The following PPP3CA variants were observed in gnomAD, a reference collection of about 807,000 sequenced individuals.
PPP3CA encodes CAM-PRP catalytic subunit.
In PPP3CA, 14 loss-of-function variants were observed where a neutral mutation model predicts 66.5. The observed-to-expected ratio is 0.21, with a 90% CI of 0.14 to 0.33. PPP3CA has a LOEUF of 0.33. Ranked by LOEUF, PPP3CA falls within the 10% of genes least tolerant of loss-of-function variation. The pLI is 1.00. For missense variants in PPP3CA, 317 were observed against 639.5 expected, an observed-to-expected ratio of 0.50 and a Z score of 5.44; for synonymous variants, 232 against 226.2, an observed-to-expected ratio of 1.03 and a Z score of -0.23.
chr4:101,193,215 A>T (rs1724667164), intron 2 of PPP3CA, among the ~76,000 whole-genome samples: 1 of 152,222 alleles, frequency 6.6e-6, no homozygotes, highest in Non-Finnish European at 1.5e-5. Context: ...GATATATACC[A>T]CCTGTACCAG....
intron 8 of PPP3CA, among the ~76,000 whole-genome samples, chr4:101,079,513 G>T (rs1160114834): frequency 6.6e-6 from 1 of 151,830 alleles, no homozygotes; most frequent in African/African-American, 2.4e-5. Context: ...CGAGTAGCTG[G>T]GACTACAGGC....
chr4:101,054,321 T>C (rs886117302), intron 10 of PPP3CA, among the ~76,000 whole-genome samples: 5 of 152,098 alleles, frequency 3.3e-5, no homozygotes, highest in African/African-American at 9.6e-5. Context: ...GATGGGACTT[T>C]CTAAGGTTAA....
intron 1 of PPP3CA, among the ~76,000 whole-genome samples, chr4:101,306,218 A>G (rs1179775636): frequency 6.6e-6 from 1 of 152,118 alleles, no homozygotes; most frequent in African/African-American, 2.4e-5. Flanking sequence ...CTAAGCGCAT[A>G]TGGGGGCAGC....
chr4:101,165,108 C>G (rs1272536001), intron 2 of PPP3CA, among the ~76,000 whole-genome samples: 1 of 151,986 alleles, frequency 6.6e-6, no homozygotes, highest in Non-Finnish European at 1.5e-5. Flanking sequence ...TGCGATTAAA[C>G]AAAACGGCAG....
chr4:101,231,664 T>A (rs962399365), intron 1 of PPP3CA, among the ~76,000 whole-genome samples: 2 of 151,718 alleles, frequency 1.3e-5, no homozygotes, highest in Admixed American at 6.6e-5. Context: ...TTATAACACA[T>A]ATCTTGCTGC....
chr4:101,155,070 CT>C (rs917733218), intron 2 of PPP3CA, among the ~76,000 whole-genome samples: 2 of 152,120 alleles, frequency 1.3e-5, no homozygotes, highest in African/African-American at 4.8e-5. Flanking sequence ...CCGCCTCGGC[CT>C]CCCAAAGTGC....
At position 101,347,330 on chromosome 4, in the gene PPP3CA, C is replaced by CGCTGCT. The variant is rs1338557875; in HGVS notation, c.-540_-535dup. On this transcript the variant is annotated 5_prime_UTR_variant, in exon 1 of 14. Transcript: ENST00000394854. ...GCGGAGAGGCGGCCGCCGCTGCTGCCGCTGCTGCTGCCGCTGCCGCTGTTG... is the reference window on the plus strand; with the variant it reads ...GCGGAGAGGCGGCCGCCGCTGCTGCCGCTGCTGCTGCTGCTGCCGCTGCCGCTGTTG... 2 of 203,984 alleles carry CGCTGCT rather than the reference C, an allele frequency of 9.8e-6. No individual in the cohort carries two copies. Among genetic ancestry groups the CGCTGCT allele is most frequent in the Non-Finnish European group, 1.9e-5 (2 of 103,270 alleles). The allele number at this position is 203,984 out of a possible 1,614,324, so 12.6% of individuals were successfully genotyped here. A position where few individuals can be genotyped will look rare whatever the true frequency, so the allele number is the denominator to read the frequency against.
At chr4:101,029,468 AAAC>A (rs1394987026) in intron 12 of PPP3CA, among the ~76,000 whole-genome samples, 1 of 152,112 alleles carries the variant, frequency 6.6e-6, no homozygotes, top group Non-Finnish European at 1.5e-5. Context: ...AATAAATAAC[AAAC>A]AACCCTTTAG....
chr4:101,124,827 C>T (rs1362930984), intron 2 of PPP3CA, among the ~76,000 whole-genome samples: 3 of 151,328 alleles, frequency 2.0e-5, no homozygotes, highest in Admixed American at 6.6e-5. Flanking sequence ...TTGAGGAGCA[C>T]ATTTTACTAC....
chr4:101,216,182 G>A (rs959986261), intron 1 of PPP3CA, among the ~76,000 whole-genome samples: 2 of 152,016 alleles, frequency 1.3e-5, no homozygotes, highest in African/African-American at 2.4e-5. Context: ...AATAAATTAC[G>A]CAGCATTATA....
intron 8 of PPP3CA, among the ~76,000 whole-genome samples, chr4:101,072,996 T>C (rs1728987304): frequency 6.6e-6 from 1 of 150,920 alleles, no homozygotes; most frequent in Admixed American, 6.6e-5. Flanking sequence ...GTGACAATGA[T>C]AATGACAATG....
chr4:101,206,970 T>C (rs1274238281), intron 1 of PPP3CA, among the ~76,000 whole-genome samples: 2 of 152,072 alleles, frequency 1.3e-5, no homozygotes, highest in African/African-American at 4.8e-5. Flanking sequence ...TGGGGGAAGC[T>C]GGCGGCCCAT....
intron 1 of PPP3CA, among the ~76,000 whole-genome samples, chr4:101,250,691 C>A (rs1560680952): frequency 6.6e-6 from 1 of 152,128 alleles, no homozygotes; most frequent in Non-Finnish European, 1.5e-5. Flanking sequence ...TAATTAGCTA[C>A]TTAGAAGTGA....
chr4:101,280,301 G>T (rs1727638779), intron 1 of PPP3CA, among the ~76,000 whole-genome samples: 1 of 152,174 alleles, frequency 6.6e-6, no homozygotes, highest in Non-Finnish European at 1.5e-5. Context: ...TGGGAGAAAA[G>T]CATGGCAAAC....
chr4:101,093,810 G>C lies in PPP3CA; in HGVS notation c.748C>G (p.His250Asp), dbSNP rs1270922247. The C allele has an allele frequency of 4.3e-6, 7 of 1,613,240 alleles. No individual in the cohort carries two copies. Among genetic ancestry groups the C allele is most frequent in the Admixed American group, 1.7e-5 (1 of 59,944 alleles). ...GNEKTQEHFT[H>D]NTVRGCSYFY... is the part of the protein sequence containing the mutation. ...TATGAACACCCCCTGACTGTGTTGT[G>C]AGTGAAATGTTCCTGAGTCTTCTCA... Residue 250 changes from histidine (H) to aspartate (D), a missense_variant, in exon 6 of 14, where the codon CAC becomes GAC. By Grantham distance (81) the His-to-Asp change is moderately conservative. Coordinates refer to ENST00000394854, the MANE Select transcript of PPP3CA (RefSeq NM_000944.5).
At chr4:101,088,000 A>G (rs921190545) in intron 6 of PPP3CA, among the ~76,000 whole-genome samples, 2 of 152,010 alleles carry the variant, frequency 1.3e-5, no homozygotes, top group East Asian at 1.9e-4. Context: ...CTCTGGTTGG[A>G]TATGTTCTAC....
rs1194244716 is a variant in PPP3CA at position 101,324,146 on chromosome 4, AAGGG to A, written c.58+22589_58+22592del. Among the ~76,000 whole-genome samples, 32 of 113,700 alleles carry A rather than the reference AAGGG, an allele frequency of 2.8e-4. 1 individual carries two copies. Among genetic ancestry groups the A allele is most frequent in the African/African-American group, 9.0e-4 (21 of 23,250 alleles). 74.6% of individuals were successfully genotyped at this position (113,700 alleles called of 152,430 possible). ...AGAAAGGAAGGGAAGGAAGGGAAGG[AAGGG>A]AGGGAGGAAGGAAGGAAGGAAGGAA... On this transcript the variant is annotated intron_variant, in intron 1 of 13. Coordinates refer to ENST00000394854, the MANE Select transcript of PPP3CA (RefSeq NM_000944.5).
intron 2 of PPP3CA, among the ~76,000 whole-genome samples, chr4:101,165,400 A>AT (rs35119399): frequency 0.15 from 22,665 of 152,014 alleles, 2,337 homozygotes; most frequent in East Asian, 0.3. Context: ...TGCTATGTCT[A>AT]TTTTTTTACC....
chr4:101,042,709 A>C (rs1727580082), intron 10 of PPP3CA, among the ~76,000 whole-genome samples: 3 of 152,090 alleles, frequency 2.0e-5, no homozygotes. Context: ...TTAAGATTAT[A>C]CATCAAATTC....
Sources: gnomAD v4.1 joint callset for allele counts (sites outside exome capture counted in the v4.1 genomes callset) on GRCh38, gnomAD v4.1.1 for gene constraint, MANE v1.5 for transcripts, NCBI Gene and HGNC (gene_info 2026-07-23, HGNC 2026-07-21) for gene names.